Variants in CLDN16 observed in about 807,000 individuals in gnomAD.
The protein encoded by CLDN16 is claudin-16.
Under a neutral mutation model 24.6 loss-of-function variants are expected in CLDN16, and 13 were observed. The ratio of observed to expected loss-of-function variants is 0.53; its 90% CI spans 0.34 to 0.84. CLDN16 has a LOEUF of 0.84. Among genes scored for constraint, CLDN16 ranks in the 40% least tolerant of loss-of-function variants. The pLI, the probability that CLDN16 is intolerant of heterozygous loss-of-function variation, is 0.01. For synonymous variants in CLDN16, 116 were observed against 106.7 expected, an observed-to-expected ratio of 1.09 and a Z score of -0.54; for missense variants, 298 against 292.7, an observed-to-expected ratio of 1.02 and a Z score of -0.13.
chr3:190,387,224 A>G (rs898758007), upstream of CLDN16, among the ~76,000 whole-genome samples: 3 of 152,236 alleles, frequency 2.0e-5, no homozygotes, highest in South Asian at 2.1e-4. Context: ...TTTAAAGCAT[A>G]TTAAAGAGTA....
rs183830543 is a variant in CLDN16 at position 190,373,026 on chromosome 3, T to G, written n.231-1502T>G. ...GCCTGACTCTTCAAAGGGCAGCCCC[T>G]TTGTTTGTTCTGCCTTCCAGTCCCT... On this transcript the variant is annotated intron_variant and non_coding_transcript_variant, in intron 2 of 4. Transcript: ENST00000468220. 1.1e-4 allele frequency among the ~76,000 whole-genome samples: 16 copies of G among 152,082 alleles called. No individual in the cohort carries two copies. The East Asian group carries it at 3.1e-3, about 30-fold the overall frequency.
intron 1 of CLDN16, among the ~76,000 whole-genome samples, chr3:190,340,397 T>C (rs889833381): frequency 6.6e-6 from 1 of 152,104 alleles, no homozygotes; most frequent in Non-Finnish European, 1.5e-5. Context: ...ATGGCAGAGA[T>C]GAAAGGAATG....
intron 1 of CLDN16, among the ~76,000 whole-genome samples, chr3:190,330,006 T>C (rs1324194612): frequency 1.3e-5 from 2 of 152,090 alleles, no homozygotes; most frequent in African/African-American, 2.4e-5. Flanking sequence ...TTGGGGACTA[T>C]TGAAATATTG....
upstream of CLDN16, chr3:190,322,272 G>A (rs1175718920): frequency 1.1e-5 from 16 of 1,443,096 alleles, no homozygotes; most frequent in African/African-American, 1.4e-5. Flanking sequence ...TTTGCAGGTG[G>A]GCAACCCGGA....
chr3:190,327,322 T>C (rs987461535), intron 1 of CLDN16, among the ~76,000 whole-genome samples: 1 of 152,206 alleles, frequency 6.6e-6, no homozygotes, highest in Admixed American at 6.5e-5. Context: ...GATTTAAATG[T>C]TAATCACAAC....
chr3:190,337,597 C>G (rs1717339888), intron 1 of CLDN16, among the ~76,000 whole-genome samples: 1 of 152,228 alleles, frequency 6.6e-6, no homozygotes, highest in Non-Finnish European at 1.5e-5. Context: ...CATTTCTGTG[C>G]TGAGCTCCTT....
chr3:190,312,806 G>A, the CLDN16 span: 22 of 1,555,656 alleles, frequency 1.4e-5, no homozygotes, highest in Admixed American at 1.7e-5. Flanking sequence ...TGAATCCAAC[G>A]TAATAGATTT....
chr3:190,291,227 T>A, the CLDN16 span, among the ~76,000 whole-genome samples: 1 of 152,138 alleles, frequency 6.6e-6, no homozygotes, highest in Non-Finnish European at 1.5e-5. Context: ...GGAGAGGTGA[T>A]GGTATCAGAG....
chr3:190,403,665 A>G (rs965900607), intron 2 of CLDN16, among the ~76,000 whole-genome samples: 20 of 152,216 alleles, frequency 1.3e-4, no homozygotes, highest in Non-Finnish European at 2.4e-4. Context: ...GCACTTAAAA[A>G]CAGCAGCACT....
the CLDN16 span, among the ~76,000 whole-genome samples, chr3:190,298,614 C>G: frequency 1.3e-5 from 2 of 152,002 alleles, no homozygotes; most frequent in Non-Finnish European, 2.9e-5. Flanking sequence ...TGCCACCACG[C>G]CCAGCTAATT....
rs148101264 is a variant in CLDN16 at position 190,393,233 on chromosome 3, T to C, written c.114+4790T>C. 7.8e-3 allele frequency among the ~76,000 whole-genome samples: 1,183 copies of C among 152,304 alleles called. 8 individuals are homozygous for C. Among genetic ancestry groups the C allele is most frequent in the Non-Finnish European group, 0.013 (881 of 68,026 alleles). On this transcript the variant is annotated intron_variant, in intron 1 of 4. Transcript: ENST00000264734. Reference sequence around the variant, plus strand: ...GTTTAAATGAATGAAAATTAGTATCTATACAGAAACCTTCATGGAGCAATG... The same window carrying C: ...GTTTAAATGAATGAAAATTAGTATCCATACAGAAACCTTCATGGAGCAATG...
chr3:190,336,394 C>G (rs958804916), intron 1 of CLDN16, among the ~76,000 whole-genome samples: 7 of 152,196 alleles, frequency 4.6e-5, no homozygotes, highest in African/African-American at 1.7e-4. Flanking sequence ...ATCCAGTGGT[C>G]TGGTGCATAC....
chr3:190,411,503 C>T lies in CLDN16; in HGVS notation c.*1467C>T, dbSNP rs902087850. 1 of 148,762 alleles carries T rather than the reference C, an allele frequency of 6.7e-6. No individual in the cohort carries two copies. Among genetic ancestry groups the T allele is most frequent in the African/African-American group, 2.6e-5 (1 of 38,494 alleles). 9.2% of individuals were successfully genotyped at this position (148,762 alleles called of 1,614,324 possible). On this transcript the variant is annotated 3_prime_UTR_variant, in exon 5 of 5. Coordinates refer to ENST00000264734, the MANE Select transcript of CLDN16 (RefSeq NM_006580.4). The stretch of plus-strand genomic sequence containing the variant: ...GTACCTTTATGGTACCCTTGCAGTA[C>T]CTGAAAAGAATATCAACCTGAAAAG...
chr3:190,375,823 C>T (rs1328864104), intron 3 of CLDN16, among the ~76,000 whole-genome samples: 3 of 151,772 alleles, frequency 2.0e-5, no homozygotes, highest in African/African-American at 4.8e-5. Flanking sequence ...TCTTCTTTCA[C>T]TGATTCTTGT....
intron 1 of CLDN16, among the ~76,000 whole-genome samples, chr3:190,369,804 G>A (rs1018467329): frequency 1.3e-5 from 2 of 151,834 alleles, no homozygotes; most frequent in African/African-American, 4.8e-5. Flanking sequence ...AAAATCTTAC[G>A]AAAGAATGGC....
At chr3:190,388,758 TGCATATATCATATTGA>T (rs1187510267) in intron 1 of CLDN16, among the ~76,000 whole-genome samples, 1 of 152,226 alleles carries the variant, frequency 6.6e-6, no homozygotes, top group Non-Finnish European at 1.5e-5. Context: ...CTTCCATTGC[TGCATATATCATATTGA>T]GTAACATTTC....
chr3:190,352,617 A>G (rs1472421520), intron 1 of CLDN16, among the ~76,000 whole-genome samples: 1 of 152,152 alleles, frequency 6.6e-6, no homozygotes, highest in Non-Finnish European at 1.5e-5. Context: ...AGTCGCACAG[A>G]AAACTGCTGT....
the CLDN16 span, among the ~76,000 whole-genome samples, chr3:190,292,445 C>G: frequency 6.6e-6 from 1 of 152,220 alleles, no homozygotes; most frequent in Admixed American, 6.5e-5. Context: ...GTTTTTCCTC[C>G]TAGGTCTCTG....
chr3:190,402,415 G>A lies in CLDN16; in HGVS notation c.193G>A (p.Asp65Asn), dbSNP rs761824865. The A allele has an allele frequency of 2.5e-6, 4 of 1,613,748 alleles. No homozygotes were observed. Among genetic ancestry groups the A allele is most frequent in the Non-Finnish European group, 1.7e-6 (2 of 1,179,744 alleles). ...TGGGATTCGCACCTGTGATGAGTACGATTCCATACTTGCGGAGCATCCCTG... is the reference window on the plus strand; with the variant it reads ...TGGGATTCGCACCTGTGATGAGTACAATTCCATACTTGCGGAGCATCCCTG... ...FDGIRTCDEY[D>N]SILAEHPLKL... The change falls in exon 2 of 5, where the codon GAT (aspartate) becomes AAT (asparagine). Residue 65 changes from aspartate (D) to asparagine (N), a missense_variant. Physicochemically the swap from Asp to Asn is conservative, Grantham distance 23. Transcript: ENST00000264734.
Sources: gnomAD v4.1 joint callset for allele counts (sites outside exome capture counted in the v4.1 genomes callset) on GRCh38, gnomAD v4.1.1 for gene constraint, MANE v1.5 for transcripts, NCBI Gene and HGNC (gene_info 2026-07-23, HGNC 2026-07-21) for gene names.